DCDC2: variants seen among roughly 807,000 people sequenced by gnomAD.
DCDC2 encodes the protein doublecortin domain containing 2, also known as doublecortin domain-containing protein 2.
A neutral mutation model predicts 50.2 loss-of-function variants in DCDC2; 40 were observed. That is an observed-to-expected ratio of 0.80 (90% CI 0.62 to 1.04). The LOEUF (loss-of-function observed/expected upper bound fraction) is 1.04, where lower values mean the gene tolerates loss of function less well. Among genes scored for constraint, DCDC2 ranks in the 50% least tolerant of loss-of-function variants. The pLI, the probability that DCDC2 is intolerant of heterozygous loss-of-function variation, is 0.00. For missense variants in DCDC2, 570 were observed against 581.9 expected (o/e 0.98, Z 0.21); for synonymous variants, 234 against 210.6 (o/e 1.11, Z -0.96).
At chr6:24,209,232 CCTTTTTAT>C (rs1761802270) in intron 7 of DCDC2, among the ~76,000 whole-genome samples, 2 of 152,170 alleles carry the variant, frequency 1.3e-5, no homozygotes, top group Non-Finnish European at 2.9e-5. Flanking sequence ...AAAGTATTAC[CCTTTTTAT>C]CAAGGGCAAC....
chr6:24,233,258 GA>G, intron 7 of DCDC2, among the ~76,000 whole-genome samples: 1 of 152,272 alleles, frequency 6.6e-6, no homozygotes, highest in South Asian at 2.1e-4. Flanking sequence ...CTGTTTCTTG[GA>G]CTTTTGTCTG....
intron 7 of DCDC2, among the ~76,000 whole-genome samples, chr6:24,227,570 A>G (rs1762256768): frequency 6.6e-6 from 1 of 152,218 alleles, no homozygotes; most frequent in African/African-American, 2.4e-5. Context: ...GAGACAGGCC[A>G]TAGCCATGCC....
intron 7 of DCDC2, among the ~76,000 whole-genome samples, chr6:24,214,459 T>C (rs1261166603): frequency 7.2e-6 from 1 of 138,810 alleles, no homozygotes; most frequent in East Asian, 2.1e-4. Context: ...GTACAAAGAA[T>C]AAAGCACATT....
chr6:24,374,577 C>CAA, the DCDC2 span, among the ~76,000 whole-genome samples: 654 of 57,462 alleles, frequency 0.011, 77 homozygotes, highest in South Asian at 0.034. Context: ...AGACTCCATC[C>CAA]AAAAAAAAAA....
chr6:24,303,065 T>C (rs573509284), intron 2 of DCDC2, among the ~76,000 whole-genome samples: 87 of 151,958 alleles, frequency 5.7e-4, no homozygotes, highest in Admixed American at 1.0e-3. Flanking sequence ...CCCCACATCT[T>C]GATTTTGTCC....
intron 6 of DCDC2, among the ~76,000 whole-genome samples, chr6:24,280,725 A>C (rs938200927): frequency 6.6e-6 from 1 of 152,024 alleles, no homozygotes; most frequent in African/African-American, 2.4e-5. Context: ...TTTTTAGTAG[A>C]GACAGGGTTT....
the DCDC2 span, among the ~76,000 whole-genome samples, chr6:24,370,027 G>C: frequency 6.6e-6 from 1 of 152,022 alleles, no homozygotes; most frequent in Non-Finnish European, 1.5e-5. Flanking sequence ...CTGAGTGGCA[G>C]AGCAAGACCC....
At chr6:24,295,293 C>G (rs183476212) in intron 4 of DCDC2, among the ~76,000 whole-genome samples, 1 of 152,272 alleles carries the variant, frequency 6.6e-6, no homozygotes, top group East Asian at 1.9e-4. Context: ...TAAAAACTCT[C>G]AATAAACTAG....
chr6:24,178,266 T>C, intron 9 of DCDC2, 64 bp downstream of exon 9: 1 of 1,493,816 alleles, frequency 6.7e-7, no homozygotes, highest in Non-Finnish European at 9.1e-7. Context: ...ATTCTCTGAA[T>C]GCACGCATGT....
chr6:24,324,592 G>A (rs923573741), intron 2 of DCDC2, among the ~76,000 whole-genome samples: 3 of 152,132 alleles, frequency 2.0e-5, no homozygotes, highest in Non-Finnish European at 4.4e-5. Context: ...AAAGAGCTAT[G>A]ACACTTTGGG....
chr6:24,252,591 G>A (rs1305527063), intron 7 of DCDC2, among the ~76,000 whole-genome samples: 1 of 152,192 alleles, frequency 6.6e-6, no homozygotes, highest in Non-Finnish European at 1.5e-5. Context: ...GTAAAAGCAA[G>A]CAAGAGGGCA....
chr6:24,179,057 T>C (rs544458072), intron 8 of DCDC2, among the ~76,000 whole-genome samples: 7 of 151,422 alleles, frequency 4.6e-5, no homozygotes, highest in Non-Finnish European at 7.4e-5. Flanking sequence ...AAAAAAAAAG[T>C]CTTTGTGGAA....
chr6:24,246,117 C>G (rs529127967), intron 7 of DCDC2, among the ~76,000 whole-genome samples: 1 of 152,136 alleles, frequency 6.6e-6, no homozygotes, highest in South Asian at 2.1e-4. Flanking sequence ...TAAGCCACCG[C>G]GCCCGGCCTG....
At chr6:24,359,525 ATATATATTTTT>A (rs1277496526), upstream of DCDC2, among the ~76,000 whole-genome samples, 1 of 103,812 alleles carries the variant, frequency 9.6e-6, no homozygotes, top group Non-Finnish European at 1.8e-5. Context: ...TATATATTTT[ATATATATTTTT>A]TATATATTTT....
chr6:24,174,979 TTGTC>T, intron 9 of DCDC2, 145 bp from the exon 10 acceptor site: 1 of 468,832 alleles, frequency 2.1e-6, no homozygotes. Flanking sequence ...CTTTGTTTTT[TTGTC>T]TATCATTACC....
chr6:24,368,598 AT>A, the DCDC2 span, among the ~76,000 whole-genome samples: 2 of 152,222 alleles, frequency 1.3e-5, no homozygotes, highest in Non-Finnish European at 2.9e-5. Context: ...GCCTGGCAAA[AT>A]TATCTTTCTA....
chr6:24,273,977 G>A (rs949382272), intron 7 of DCDC2, among the ~76,000 whole-genome samples: 6 of 152,198 alleles, frequency 3.9e-5, no homozygotes, highest in African/African-American at 1.2e-4. Context: ...GAATAAACCA[G>A]GATTTGCATC....
At chr6:24,248,152 C>G (rs1352483799) in intron 7 of DCDC2, among the ~76,000 whole-genome samples, 2 of 152,214 alleles carry the variant, frequency 1.3e-5, no homozygotes. Context: ...GTTTCTGCAT[C>G]TGTAGATTGG....
intron 2 of DCDC2, among the ~76,000 whole-genome samples, chr6:24,321,954 T>C (rs1048183661): frequency 2.6e-5 from 4 of 152,212 alleles, no homozygotes; most frequent in Non-Finnish European, 5.9e-5. Context: ...AAAACATGTA[T>C]GTAATGGGTA....
Sources: gnomAD v4.1 joint callset for allele counts (sites outside exome capture counted in the v4.1 genomes callset) on GRCh38, gnomAD v4.1.1 for gene constraint, MANE v1.5 for transcripts, NCBI Gene and HGNC (gene_info 2026-07-23, HGNC 2026-07-21) for gene names.